The following CNDP1 variants were observed in gnomAD, a reference collection of about 807,000 sequenced individuals.
CNDP1 encodes carnosine dipeptidase 1, also known as beta-Ala-His dipeptidase.
A neutral mutation model predicts 58.1 loss-of-function variants in CNDP1; 44 were observed. That is an observed-to-expected ratio of 0.76 (90% CI 0.60 to 0.97). The LOEUF (loss-of-function observed/expected upper bound fraction) is 0.97. CNDP1 is among the 50% of genes least tolerant of loss of function. The probability of loss-of-function intolerance (pLI) is 0.00; values close to 1 mark genes in which losing one functional copy is unlikely to be tolerated. For missense variants in CNDP1, 616 were observed against 655.1 expected (o/e 0.94, Z 0.65); for synonymous variants, 254 against 252.6 (o/e 1.01, Z -0.05).
At chr18:74,544,777 G>GTACT (rs1409575678) in intron 1 of CNDP1, among the ~76,000 whole-genome samples, 1 of 150,624 alleles carries the variant, frequency 6.6e-6, no homozygotes, top group Non-Finnish European at 1.5e-5. Context: ...ATAACAGGGT[G>GTACT]TACTGGGTTA....
intron 3 of CNDP1, among the ~76,000 whole-genome samples, 188 bp downstream of exon 3, chr18:74,559,660 A>G (rs1029242592): frequency 2.0e-5 from 3 of 152,182 alleles, no homozygotes; most frequent in African/African-American, 7.2e-5. Flanking sequence ...CAGTCTTGTC[A>G]GGACTCTGGG....
At position 74,584,485 on chromosome 18, in the gene CNDP1, C is replaced by T. The variant is rs1191322565; in HGVS notation, c.1458-11C>T. On this transcript the variant is annotated splice_polypyrimidine_tract_variant and intron_variant, in intron 11 of 11. Coordinates refer to ENST00000358821, the MANE Select transcript of CNDP1 (RefSeq NM_032649.6). ...TGTAACAAAATTTCTCTTTGTTTTTCCTCTTCTTAGGTGGAACTACATAGA... is the reference window on the plus strand; with the variant it reads ...TGTAACAAAATTTCTCTTTGTTTTTTCTCTTCTTAGGTGGAACTACATAGA... 1 of 1,601,952 alleles carries T rather than the reference C, an allele frequency of 6.2e-7. No homozygotes were observed. Among genetic ancestry groups the T allele is most frequent in the Admixed American group, 1.7e-5 (1 of 59,690 alleles).
At chr18:74,544,506 C>G (rs895071602) in intron 1 of CNDP1, among the ~76,000 whole-genome samples, 7 of 152,024 alleles carry the variant, frequency 4.6e-5, no homozygotes, top group African/African-American at 1.7e-4. Context: ...CACCTGAGGT[C>G]AGGAGTTCGA....
chr18:74,581,758 C>A (rs113596241), intron 10 of CNDP1, among the ~76,000 whole-genome samples: 141 of 152,292 alleles, frequency 9.3e-4, no homozygotes, highest in Admixed American at 2.2e-3. Flanking sequence ...GGCTTCTGCA[C>A]CAGGAGGGGG....
intron 1 of CNDP1, among the ~76,000 whole-genome samples, chr18:74,550,093 G>A (rs547931046): frequency 7.9e-4 from 120 of 152,340 alleles, no homozygotes; most frequent in South Asian, 2.7e-3. Context: ...AAACTATGGG[G>A]TTGGAGTCCC....
chr18:74,575,867 A>ATTTT (rs34962477), intron 7 of CNDP1, among the ~76,000 whole-genome samples: 2 of 94,778 alleles, frequency 2.1e-5, no homozygotes, highest in Non-Finnish European at 1.9e-5. Flanking sequence ...GTGTGTATAC[A>ATTTT]TTTTTTTTTT....
At chr18:74,571,694 A>C (rs934270252) in intron 7 of CNDP1, among the ~76,000 whole-genome samples, 19 of 152,220 alleles carry the variant, frequency 1.2e-4, no homozygotes, top group Non-Finnish European at 2.5e-4. Context: ...AAGATAAATC[A>C]ACAAAGGGAT....
chr18:74,538,932 A>T (rs544319716), intron 1 of CNDP1, among the ~76,000 whole-genome samples: 7 of 151,984 alleles, frequency 4.6e-5, no homozygotes, highest in African/African-American at 1.7e-4. Context: ...GTCTCCCTAG[A>T]TTTTTCTTGG....
intron 6 of CNDP1, among the ~76,000 whole-genome samples, chr18:74,568,571 A>C (rs1467927989): frequency 6.6e-6 from 1 of 151,980 alleles, no homozygotes; most frequent in Non-Finnish European, 1.5e-5. Flanking sequence ...TTTGAGAACG[A>C]AGGCACTGAG....
intron 4 of CNDP1, chr18:74,561,642 A>G (rs1039304674): frequency 5.3e-6 from 1 of 187,432 alleles, no homozygotes; most frequent in Admixed American, 5.3e-5. Context: ...GTTAATAGAG[A>G]TATACACACA....
intron 1 of CNDP1, among the ~76,000 whole-genome samples, chr18:74,546,188 T>G (rs775742012): frequency 6.6e-6 from 1 of 152,144 alleles, no homozygotes; most frequent in Non-Finnish European, 1.5e-5. Flanking sequence ...TGATGGAAGG[T>G]TCCGGAAGTA....
Position 74,586,718 on chromosome 18 carries a change from G to A in CNDP1, c.*2156G>A, listed in dbSNP as rs779883277. ...ATGTTTTTCTGTCACCCAGGGTCAC[G>A]ACTGGTCTCCCCAGCTCTTCCCTCC... On this transcript the variant is annotated 3_prime_UTR_variant, in exon 12 of 12. Transcript: ENST00000358821. The A allele has an allele frequency of 1.3e-5, 2 of 152,114 alleles. No homozygotes were observed. The highest frequency in any genetic ancestry group is 4.8e-5 in the African/African-American group (2 of 41,398). The allele number at this position is 152,114 out of a possible 1,614,324, so 9.4% of individuals were successfully genotyped here.
intron 7 of CNDP1, among the ~76,000 whole-genome samples, chr18:74,575,103 AGAAGGAAAGAAAGGAAG>A (rs1981595192): frequency 1.6e-5 from 2 of 124,134 alleles, no homozygotes; most frequent in African/African-American, 3.1e-5. Flanking sequence ...GAAAGAAAAA[AGAAGGAAAGAAAGGAAG>A]GAAGGAAAGA....
rs550763706 is a variant in CNDP1 at position 74,562,114 on chromosome 18, C to T, written c.534C>T (p.Ser178=). Residue 178 remains serine (S), a synonymous_variant, in exon 5 of 12, where the codon AGC becomes AGT. Coordinates refer to ENST00000358821, the MANE Select transcript of CNDP1 (RefSeq NM_032649.6). ...GPVLAWINAV[S]AFRALEQDLP... ...TCTTGGCTTGGATCAATGCTGTGAG[C>T]GCCTTCAGAGCCCTGGAGCAAGTAG... 29 of 1,613,974 alleles carry T rather than the reference C, an allele frequency of 1.8e-5. No individual in the cohort carries two copies. The highest frequency in any genetic ancestry group is 3.3e-5 in the Admixed American group (2 of 60,016).
At chr18:74,549,467 A>G (rs1980842959) in intron 1 of CNDP1, among the ~76,000 whole-genome samples, 1 of 152,092 alleles carries the variant, frequency 6.6e-6, no homozygotes, top group Admixed American at 6.5e-5. Context: ...TCAAAGAGTG[A>G]GTTTATATAA....
At chr18:74,552,454 C>G (rs950258493) in intron 1 of CNDP1, among the ~76,000 whole-genome samples, 2 of 152,196 alleles carry the variant, frequency 1.3e-5, no homozygotes, top group Non-Finnish European at 2.9e-5. Context: ...AACCACCAAT[C>G]TACTTTCTGT....
chr18:74,559,647 T>C (rs1981136993), intron 3 of CNDP1, among the ~76,000 whole-genome samples, 175 bp downstream of exon 3: 1 of 152,178 alleles, frequency 6.6e-6, no homozygotes, highest in Non-Finnish European at 1.5e-5. Context: ...TGTTATTGCT[T>C]TCCAGTCTTG....
At position 74,556,351 on chromosome 18, in the gene CNDP1, T is replaced by A; in HGVS notation, c.38T>A (p.Leu13Gln). The A allele has an allele frequency of 6.3e-7, 1 of 1,585,650 alleles. No homozygotes were observed. The highest frequency in any genetic ancestry group is 1.1e-5 in the South Asian group (1 of 89,588). ...PKLGRMAASL[L>Q]AVLLLLLERG... is the part of the protein sequence containing the mutation. ...AAACCCTTCCAGGCTGCGTCCCTGCTGGCTGTGCTGCTGCTGCTGCTGGAG... is the reference window on the plus strand; with the variant it reads ...AAACCCTTCCAGGCTGCGTCCCTGCAGGCTGTGCTGCTGCTGCTGCTGGAG... Residue 13 changes from leucine (L) to glutamine (Q), a missense_variant, in exon 2 of 12, where the codon CTG becomes CAG. Physicochemically the swap from Leu to Gln is moderately radical, Grantham distance 113. Coordinates refer to ENST00000358821, the MANE Select transcript of CNDP1 (RefSeq NM_032649.6).
At chr18:74,573,268 T>C (rs1981535541) in intron 7 of CNDP1, among the ~76,000 whole-genome samples, 1 of 151,796 alleles carries the variant, frequency 6.6e-6, no homozygotes, top group Non-Finnish European at 1.5e-5. Flanking sequence ...TCTATCCATC[T>C]ATCATCTTTC....
Sources: allele counts gnomAD v4.1 joint callset (sites outside exome capture counted in the v4.1 genomes callset), GRCh38; gene constraint gnomAD v4.1.1; transcripts MANE v1.5; gene names NCBI Gene and HGNC (gene_info 2026-07-23, HGNC 2026-07-21).